Variants in UCMA observed in about 807,000 individuals in gnomAD.
UCMA encodes upper zone of growth plate and cartilage matrix associated.
A neutral mutation model predicts 21.8 loss-of-function variants in UCMA; 21 were observed. That is an observed-to-expected ratio of 0.97 (90% CI 0.68 to 1.39). The LOEUF (loss-of-function observed/expected upper bound fraction) is 1.39, where lower values mean the gene tolerates loss of function less well. UCMA is among the 40% of genes most tolerant of loss of function. The probability of loss-of-function intolerance (pLI) is 0.00; values close to 1 mark genes in which losing one functional copy is unlikely to be tolerated. For missense variants in UCMA, 193 were observed against 178.9 expected (o/e 1.08, Z -0.45); for synonymous variants, 76 against 67.9 (o/e 1.12, Z -0.58).
chr10:13,233,478 C>A, intron 3 of UCMA, 60 bp downstream of exon 3: 1 of 1,386,378 alleles, frequency 7.2e-7, no homozygotes, highest in East Asian at 2.3e-5. Context: ...AGAGGAGGAG[C>A]CGGGGGGTGT....
At position 13,222,165 on chromosome 10, in the gene UCMA, A is replaced by G; in HGVS notation, c.355T>C (p.Trp119Arg). 6.2e-7 allele frequency: 1 copy of G among 1,614,096 alleles called. No homozygotes were observed. The highest frequency in any genetic ancestry group is 8.5e-7 in the Non-Finnish European group (1 of 1,180,028). ...AGGCCGTCATAGTGCCACTGGCGCCACTGCTCCACAGCCTCCCGGCTCCTC... is the reference window on the plus strand; with the variant it reads ...AGGCCGTCATAGTGCCACTGGCGCCGCTGCTCCACAGCCTCCCGGCTCCTC... The part of the protein sequence containing the change: ...EERSREAVEQ[W>R]RQWHYDGLHP... Residue 119 changes from tryptophan to arginine, a missense_variant, in exon 5 of 5, where the codon TGG (tryptophan) becomes CGG (arginine). Trp to Arg is a moderately radical substitution (Grantham distance 101). Transcript: ENST00000378681.
chr10:13,225,448 G>A (rs1391525239), intron 4 of UCMA, among the ~76,000 whole-genome samples: 2 of 152,112 alleles, frequency 1.3e-5, no homozygotes, highest in Non-Finnish European at 2.9e-5. Flanking sequence ...GCCGAGGTGG[G>A]CAGATCACCT....
intron 4 of UCMA, among the ~76,000 whole-genome samples, chr10:13,228,081 A>T (rs1834847979): frequency 6.6e-6 from 1 of 150,744 alleles, no homozygotes; most frequent in Admixed American, 6.6e-5. Flanking sequence ...TTTTTCTGAG[A>T]CAGAGTCTTG....
At chr10:13,233,900 G>A (rs1222342465) in intron 1 of UCMA, 100 bp from the exon 2 acceptor site, 3 of 1,450,612 alleles carry the variant, frequency 2.1e-6, no homozygotes, top group African/African-American at 1.4e-5. Context: ...GTCCTGCCAG[G>A]GCCTGGCAGG....
Position 13,221,837 on chromosome 10 carries a change from C to G in UCMA, c.*266G>C, listed in dbSNP as rs138134959. On this transcript the variant is annotated 3_prime_UTR_variant, in exon 5 of 5. Transcript: ENST00000378681. ...CTTGACTGATTCTTTTGCTTGGGAA[C>G]GAAGCCAGGGGAAGCCACTGTAGGT... is the stretch of plus-strand genomic sequence containing the variant. 1 of 459,496 alleles carries G rather than the reference C, an allele frequency of 2.2e-6. No homozygotes were observed. Among genetic ancestry groups the G allele is most frequent in the Non-Finnish European group, 3.9e-6 (1 of 257,566 alleles). The allele number at this position is 459,496 out of a possible 1,614,324, so 28.5% of individuals were successfully genotyped here.
At chr10:13,224,048 G>T (rs1834793106) in intron 4 of UCMA, among the ~76,000 whole-genome samples, 1 of 152,208 alleles carries the variant, frequency 6.6e-6, no homozygotes, top group African/African-American at 2.4e-5. Flanking sequence ...TTTATGCTGG[G>T]CATGGTGGCT....
At chr10:13,227,438 C>A (rs1223520478) in intron 4 of UCMA, among the ~76,000 whole-genome samples, 1 of 152,188 alleles carries the variant, frequency 6.6e-6, no homozygotes, top group Non-Finnish European at 1.5e-5. Flanking sequence ...ATAAACAGGG[C>A]TAGGTGCGAT....
In UCMA at chr10:13,222,060, T is replaced by C. The variant is rs1289918938; in HGVS notation, c.*43A>G. On this transcript the variant is annotated 3_prime_UTR_variant, in exon 5 of 5. Transcript: ENST00000378681. ...GATTGCTGGAACACGGGGATGCCAATGGTGCTACAAGCTTTGTCTTCTTGG... is the reference window on the plus strand; with the variant it reads ...GATTGCTGGAACACGGGGATGCCAACGGTGCTACAAGCTTTGTCTTCTTGG... The C allele has an allele frequency of 5.6e-6, 9 of 1,603,610 alleles. No homozygotes were observed. Among genetic ancestry groups the C allele is most frequent in the Admixed American group, 1.7e-5 (1 of 59,930 alleles).
chr10:13,224,403 AAG>A (rs1316431895), intron 4 of UCMA, among the ~76,000 whole-genome samples: 4 of 152,164 alleles, frequency 2.6e-5, no homozygotes, highest in South Asian at 2.1e-4. Context: ...AAGAGAAAAA[AAG>A]AGAAAGAAAA....
At chr10:13,233,333 C>G (rs1376983138) in intron 3 of UCMA, among the ~76,000 whole-genome samples, 1 of 152,194 alleles carries the variant, frequency 6.6e-6, no homozygotes, top group African/African-American at 2.4e-5. Context: ...CTAACCCTGA[C>G]AAAGTATTCA....
At chr10:13,232,890 C>T (rs1052480838) in intron 3 of UCMA, among the ~76,000 whole-genome samples, 1 of 151,358 alleles carries the variant, frequency 6.6e-6, no homozygotes, top group African/African-American at 2.4e-5. Context: ...ACAGGCCCTA[C>T]AGCAGGCTGT....
intron 1 of UCMA, 113 bp from the exon 2 acceptor site, chr10:13,233,913 G>C: frequency 7.3e-7 from 1 of 1,363,000 alleles, no homozygotes; most frequent in Non-Finnish European, 1.0e-6. Context: ...CTGGCAGGGG[G>C]CCCGTGGTTT....
intron 4 of UCMA, among the ~76,000 whole-genome samples, chr10:13,227,334 G>A (rs775488093): frequency 6.6e-6 from 1 of 152,184 alleles, no homozygotes; most frequent in African/African-American, 2.4e-5. Context: ...ACCTAAACTG[G>A]GGCCTCACGT....
intron 4 of UCMA, among the ~76,000 whole-genome samples, chr10:13,228,037 G>A (rs1834847172): frequency 1.3e-5 from 2 of 151,828 alleles, no homozygotes; most frequent in African/African-American, 4.8e-5. Flanking sequence ...CAGAGACACT[G>A]GACTCTCTGG....
Position 13,229,205 on chromosome 10 carries a change from G to A in UCMA, c.319+406C>T, listed in dbSNP as rs377096250. ...CCCTCCTCAGCCTCCCAAAGTGCTG[G>A]GATTACAGGCATGAGCGACTGCGCC... is the stretch of plus-strand genomic sequence containing the variant. On this transcript the variant is annotated intron_variant, in intron 4 of 4. Transcript: ENST00000378681. Among the ~76,000 whole-genome samples the A allele has an allele frequency of 3.0e-3, 461 of 152,168 alleles. 6 individuals are homozygous for A. The highest frequency in any genetic ancestry group is 0.011 in the African/African-American group (436 of 41,514).
chr10:13,223,849 G>C (rs552883252), intron 4 of UCMA, among the ~76,000 whole-genome samples: 1 of 150,948 alleles, frequency 6.6e-6, no homozygotes, highest in African/African-American at 2.4e-5. Context: ...ACTGCACCTA[G>C]CCTAGAATGG....
At chr10:13,225,498 AACC>A (rs1834812783) in intron 4 of UCMA, among the ~76,000 whole-genome samples, 1 of 151,998 alleles carries the variant, frequency 6.6e-6, no homozygotes, top group South Asian at 2.1e-4. Context: ...AACATGGTGA[AACC>A]GTGTCTCTAC....
intron 4 of UCMA, among the ~76,000 whole-genome samples, chr10:13,226,625 T>C (rs1184018013): frequency 1.3e-5 from 2 of 152,306 alleles, no homozygotes; most frequent in African/African-American, 4.8e-5. Context: ...GTGCCCAGCC[T>C]GAGCCTCTAT....
intron 3 of UCMA, 34 bp downstream of exon 3, chr10:13,233,504 T>C: frequency 1.9e-6 from 3 of 1,576,760 alleles, no homozygotes; most frequent in East Asian, 2.2e-5. Flanking sequence ...GAGGTGGTGA[T>C]GGACGCGGGA....
Sources: allele counts gnomAD v4.1 joint callset (sites outside exome capture counted in the v4.1 genomes callset), GRCh38; gene constraint gnomAD v4.1.1; transcripts MANE v1.5; gene names NCBI Gene and HGNC (gene_info 2026-07-23, HGNC 2026-07-21).